The following LZTFL1 variants were observed in gnomAD, a reference collection of about 807,000 sequenced individuals.
LZTFL1 encodes leucine zipper transcription factor like 1, also known as leucine zipper transcription factor-like protein 1.
LZTFL1 carries 25 observed loss-of-function variants against 45.9 expected under a neutral mutation model. The observed-to-expected ratio is 0.54, with a 90% confidence interval of 0.40 to 0.76. The LOEUF (loss-of-function observed/expected upper bound fraction) is 0.76. Ranked by LOEUF, LZTFL1 falls within the 30% of genes least tolerant of loss-of-function variation. The pLI, the probability that LZTFL1 is intolerant of heterozygous loss-of-function variation, is 0.00. For missense variants in LZTFL1, 277 were observed against 331.1 expected, an observed-to-expected ratio of 0.84 and a Z score of 1.27; for synonymous variants, 93 against 117.4, an observed-to-expected ratio of 0.79 and a Z score of 1.35.
rs3834206 is a variant in LZTFL1 at position 45,824,365 on chromosome 3, TAAC to T, written c.*1946_*1948del. The T allele has an allele frequency of 0.076, 11,632 of 152,560 alleles. 531 individuals are homozygous for T. The highest frequency in any genetic ancestry group is 0.089 in the Non-Finnish European group (6,114 of 68,512). 9.5% of individuals were successfully genotyped at this position (152,560 alleles called of 1,614,324 possible). The stretch of plus-strand genomic sequence containing the variant: ...ATTTTGCTAAAGGGTATAGAGTAAA[TAAC>T]AACAACAACAACAACAACAAAAATG... On this transcript the variant is annotated 3_prime_UTR_variant, in exon 10 of 10. Coordinates refer to ENST00000296135, the MANE Select transcript of LZTFL1 (RefSeq NM_020347.4).
At chr3:45,838,822 G>A (rs1701031824) in intron 1 of LZTFL1, among the ~76,000 whole-genome samples, 1 of 152,200 alleles carries the variant, frequency 6.6e-6, no homozygotes, top group African/African-American at 2.4e-5. Flanking sequence ...AAGTCTTTAA[G>A]GTCTGGAGGA....
chr3:45,901,072 T>A lies in LZTFL1; in HGVS notation c.-215+12048A>T. On this transcript the variant is annotated intron_variant, in intron 2 of 4. Coordinates refer to the LZTFL1 transcript ENST00000472635. The surrounding 1 kb of genome is among the most constrained non-coding windows in gnomAD (Gnocchi z 4.3). Reference sequence around the variant, plus strand: ...CTTTTGAATTTGGCAATTGCTGACCTCCTCTTTCTTGTCACTCTTCCCTTC... The same window carrying A: ...CTTTTGAATTTGGCAATTGCTGACCACCTCTTTCTTGTCACTCTTCCCTTC... The A allele has an allele frequency of 1.2e-6, 2 of 1,614,194 alleles. No individual in the cohort carries two copies. Among genetic ancestry groups the A allele is most frequent in the Non-Finnish European group, 1.7e-6 (2 of 1,180,028 alleles).
In LZTFL1 at chr3:45,901,478, G is replaced by A; in HGVS notation, c.-215+11642C>T. 6.2e-7 allele frequency: 1 copy of A among 1,614,158 alleles called. No individual in the cohort carries two copies. The highest frequency in any genetic ancestry group is 8.5e-7 in the Non-Finnish European group (1 of 1,180,034). On this transcript the variant is annotated intron_variant, in intron 2 of 4. Coordinates refer to the LZTFL1 transcript ENST00000472635. This position sits in a 1 kb window ranked among gnomAD's most constrained non-coding sequence, Gnocchi z 4.3. Reference sequence around the variant, plus strand: ...GGTTCTTCCTTCCCTTCGTGGTCATGGCTTGCTGCTATACCATCATCATTC... The same window carrying A: ...GGTTCTTCCTTCCCTTCGTGGTCATAGCTTGCTGCTATACCATCATCATTC...
intron 2 of LZTFL1, chr3:45,912,981 G>A (rs987183369): frequency 1.5e-4 from 119 of 820,314 alleles, no homozygotes; most frequent in Non-Finnish European, 2.2e-4. Flanking sequence ...GCAAATCCTG[G>A]TTTATGGAAA....
chr3:45,883,827 C>A (rs1048316171), intron 2 of LZTFL1: 4 of 531,606 alleles, frequency 7.5e-6, no homozygotes, highest in Non-Finnish European at 1.1e-5. Flanking sequence ...AGAGTTGCAG[C>A]CACGGAGTAG....
chr3:45,861,171 C>A (rs906741663), intron 2 of LZTFL1, among the ~76,000 whole-genome samples: 1 of 146,044 alleles, frequency 6.8e-6, no homozygotes, highest in South Asian at 2.2e-4. Context: ...ACTGCCTGTG[C>A]GTATTATAAT....
chr3:45,894,469 TC>T (rs1312177194), intron 2 of LZTFL1, among the ~76,000 whole-genome samples: 3 of 152,108 alleles, frequency 2.0e-5, no homozygotes, highest in Non-Finnish European at 4.4e-5. Flanking sequence ...CTTCGGTGAG[TC>T]CCTTAGCTGA....
intron 2 of LZTFL1, among the ~76,000 whole-genome samples, chr3:45,883,008 C>A (rs183022170): frequency 2.6e-3 from 401 of 152,146 alleles, no homozygotes; most frequent in Non-Finnish European, 4.6e-3. Context: ...TATTTTGATA[C>A]TTCTACAAGG....
intron 2 of LZTFL1, among the ~76,000 whole-genome samples, chr3:45,860,737 T>C (rs1397171823): frequency 1.3e-5 from 2 of 152,220 alleles, no homozygotes; most frequent in African/African-American, 4.8e-5. Flanking sequence ...GGTGGAGCTT[T>C]GGAGTGTAGG....
At chr3:45,832,319 CT>C (rs1328214702) in intron 5 of LZTFL1, among the ~76,000 whole-genome samples, 2 of 152,154 alleles carry the variant, frequency 1.3e-5, no homozygotes, top group African/African-American at 4.8e-5. Flanking sequence ...CTAACAACAT[CT>C]AGCATAATGT....
At chr3:45,838,840 G>C (rs1435850884) in intron 1 of LZTFL1, among the ~76,000 whole-genome samples, 1 of 152,216 alleles carries the variant, frequency 6.6e-6, no homozygotes. Flanking sequence ...GGATAGAATG[G>C]AGATAGCAAG....
intron 2 of LZTFL1, among the ~76,000 whole-genome samples, chr3:45,877,615 G>C (rs1559416697): frequency 1.3e-5 from 2 of 151,726 alleles, no homozygotes; most frequent in Non-Finnish European, 2.9e-5. Flanking sequence ...GTTTTTCTTT[G>C]GTAAATTTTT....
intron 2 of LZTFL1, among the ~76,000 whole-genome samples, chr3:45,870,886 G>A (rs910849337): frequency 1.3e-5 from 2 of 152,210 alleles, no homozygotes; most frequent in Admixed American, 1.3e-4. Context: ...TTAAAAACAT[G>A]TATATGTTCC....
At chr3:45,912,896 T>C (rs1702824927) in intron 2 of LZTFL1, among the ~76,000 whole-genome samples, 1 of 152,226 alleles carries the variant, frequency 6.6e-6, no homozygotes, top group Non-Finnish European at 1.5e-5. Context: ...TGCAGCTTGG[T>C]CTGACAACAG....
intron 1 of LZTFL1, among the ~76,000 whole-genome samples, chr3:45,839,892 T>C (rs1701061574): frequency 6.6e-6 from 1 of 152,180 alleles, no homozygotes; most frequent in East Asian, 1.9e-4. Flanking sequence ...TCTCCCAATA[T>C]GCCCTCAGTA....
At chr3:45,833,872 C>T (rs1302025325) in intron 4 of LZTFL1, among the ~76,000 whole-genome samples, 3 of 152,138 alleles carry the variant, frequency 2.0e-5, no homozygotes, top group African/African-American at 7.2e-5. Flanking sequence ...AGCTCAGCTA[C>T]CTCAGATAAC....
At chr3:45,828,669 T>A in intron 7 of LZTFL1, 54 bp from the exon 8 acceptor site, 1 of 1,379,142 alleles carries the variant, frequency 7.3e-7, no homozygotes, top group Non-Finnish European at 1.0e-6. Flanking sequence ...TAAAAATAAC[T>A]GTTTTAGAAT....
In LZTFL1 at chr3:45,835,804, CA is replaced by C; in HGVS notation, c.129-21del. On this transcript the variant is annotated intron_variant, in intron 2 of 9. Transcript: ENST00000296135. ...ACCAGCCTGAAAAACAACCATGATCCAAAACTTATAGAAAAACAACAAGAAA... is the reference window on the plus strand; with the variant it reads ...ACCAGCCTGAAAAACAACCATGATCCAAACTTATAGAAAAACAACAAGAAA... 6.5e-7 allele frequency: 1 copy of C among 1,547,270 alleles called. No homozygotes were observed. Among genetic ancestry groups the C allele is most frequent in the Non-Finnish European group, 8.8e-7 (1 of 1,140,020 alleles).
At chr3:45,884,344 C>T (rs1291566467) in intron 2 of LZTFL1, among the ~76,000 whole-genome samples, 1 of 152,170 alleles carries the variant, frequency 6.6e-6, no homozygotes, top group East Asian at 1.9e-4. Flanking sequence ...CACATTTGCA[C>T]AAGCTCCTTT....
Sources: gnomAD v4.1 joint callset for allele counts (sites outside exome capture counted in the v4.1 genomes callset) on GRCh38, gnomAD v4.1.1 for gene constraint, Gnocchi (gnomAD v3.1) non-coding constraint, MANE v1.5 for transcripts, NCBI Gene and HGNC (gene_info 2026-07-23, HGNC 2026-07-21) for gene names.